The following PDE11A variants were observed in gnomAD, a reference collection of about 807,000 sequenced individuals.
PDE11A encodes phosphodiesterase 11A, also known as dual 3',5'-cyclic-AMP and -GMP phosphodiesterase 11A.
A neutral mutation model predicts 100.5 loss-of-function variants in PDE11A; 100 were observed. That is an observed-to-expected ratio of 1.00 (90% CI 0.85 to 1.18). PDE11A has a LOEUF of 1.18. Among genes scored for constraint, PDE11A ranks in the 50% most tolerant of loss-of-function variants. The probability of loss-of-function intolerance (pLI) is 0.00; values close to 1 mark genes in which losing one functional copy is unlikely to be tolerated. For missense variants in PDE11A, 1,141 were observed against 1,152.6 expected (o/e 0.99, Z 0.15); for synonymous variants, 381 against 420.8 (o/e 0.91, Z 1.16).
At position 178,051,967 on chromosome 2, in the gene PDE11A, T is replaced by C. The variant is rs1442671570; in HGVS notation, c.912+19559A>G. On this transcript the variant is annotated intron_variant, in intron 1 of 19. Coordinates refer to ENST00000286063, the MANE Select transcript of PDE11A (RefSeq NM_016953.4). ...TAGACAGATCAACGAGACAGAAAGT[T>C]AACAAGGATACCCAGGAATTGAACT... 4.6e-5 allele frequency among the ~76,000 whole-genome samples: 7 copies of C among 151,928 alleles called. No homozygotes were observed. In the East Asian group the frequency reaches 5.8e-4, roughly 13 times the overall value.
intron 15 of PDE11A, among the ~76,000 whole-genome samples, chr2:177,684,760 AG>A (rs2080918571): frequency 6.6e-6 from 1 of 152,262 alleles, no homozygotes; most frequent in Non-Finnish European, 1.5e-5. Flanking sequence ...TTAGGTTATC[AG>A]TAAGGATTAG....
intron 5 of PDE11A, among the ~76,000 whole-genome samples, chr2:177,865,209 C>T (rs1001084595): frequency 6.6e-6 from 1 of 152,058 alleles, no homozygotes; most frequent in South Asian, 2.1e-4. Flanking sequence ...ACCCAATAGA[C>T]AGAGGTTGCC....
rs577828732 is a variant in PDE11A at position 177,854,043 on chromosome 2, T to C, written c.1368-13660A>G. 2.6e-5 allele frequency among the ~76,000 whole-genome samples: 4 copies of C among 151,702 alleles called. No individual in the cohort carries two copies. In the East Asian group the frequency reaches 5.8e-4, roughly 22 times the overall value. Reference sequence around the variant, plus strand: ...ATTAAAGCATGTTAAATGAGAGACCTACTAAAGCAAGACAGTCAAACATAA... The same window carrying C: ...ATTAAAGCATGTTAAATGAGAGACCCACTAAAGCAAGACAGTCAAACATAA... On this transcript the variant is annotated intron_variant, in intron 5 of 19. Coordinates refer to ENST00000286063, the MANE Select transcript of PDE11A (RefSeq NM_016953.4).
At chr2:177,870,018 A>G (rs891947246) in intron 5 of PDE11A, among the ~76,000 whole-genome samples, 2 of 152,236 alleles carry the variant, frequency 1.3e-5, no homozygotes, top group East Asian at 3.9e-4. Flanking sequence ...TGCATCATGC[A>G]CGAGTTTAGT....
intron 4 of PDE11A, among the ~76,000 whole-genome samples, chr2:177,885,174 C>A (rs984205078): frequency 1.3e-5 from 2 of 150,578 alleles, no homozygotes. Flanking sequence ...TATGTATGAA[C>A]AAGTAATATG....
At chr2:178,104,807 CT>C (rs2087599705) in intron 1 of PDE11A, among the ~76,000 whole-genome samples, 1 of 152,122 alleles carries the variant, frequency 6.6e-6, no homozygotes, top group South Asian at 2.1e-4. Flanking sequence ...AATTATATTC[CT>C]TTTCATTTCT....
At chr2:177,683,055 C>G (rs1322258103) in intron 15 of PDE11A, among the ~76,000 whole-genome samples, 1 of 152,214 alleles carries the variant, frequency 6.6e-6, no homozygotes, top group Non-Finnish European at 1.5e-5. Context: ...TTGAGAACAA[C>G]TGGCTCCTCT....
intron 1 of PDE11A, among the ~76,000 whole-genome samples, chr2:178,107,399 G>T (rs190329163): frequency 7.3e-4 from 109 of 149,912 alleles, no homozygotes; most frequent in African/African-American, 2.4e-3. Flanking sequence ...ACTGAAATAG[G>T]CAAAGATGTG....
intron 10 of PDE11A, among the ~76,000 whole-genome samples, chr2:177,750,280 A>G (rs151311117): frequency 6.6e-6 from 1 of 152,202 alleles, no homozygotes; most frequent in Non-Finnish European, 1.5e-5. Flanking sequence ...AACAGCAACA[A>G]ATTTTCTTTT....
intron 5 of PDE11A, among the ~76,000 whole-genome samples, chr2:177,863,992 A>C (rs1046665325): frequency 6.6e-6 from 1 of 152,116 alleles, no homozygotes; most frequent in Non-Finnish European, 1.5e-5. Flanking sequence ...CAAGTGGTAC[A>C]TATATATAAT....
intron 1 of PDE11A, among the ~76,000 whole-genome samples, chr2:178,060,393 T>C (rs1434494477): frequency 6.6e-6 from 1 of 152,244 alleles, no homozygotes; most frequent in Non-Finnish European, 1.5e-5. Flanking sequence ...ATTACCTCTA[T>C]CAATGTTTTG....
chr2:178,076,958 T>A (rs2087214952), upstream of PDE11A, among the ~76,000 whole-genome samples: 1 of 147,882 alleles, frequency 6.8e-6, no homozygotes, highest in Admixed American at 6.8e-5. Context: ...ATTTTCCAGT[T>A]CCTCTTTACG....
intron 9 of PDE11A, among the ~76,000 whole-genome samples, chr2:177,805,090 A>T (rs184601755): frequency 0.021 from 2,882 of 134,662 alleles, 86 homozygotes; most frequent in African/African-American, 0.079. Context: ...TTAATTAAAA[A>T]ATATATATAT....
At chr2:178,086,429 T>C (rs1308939361) in intron 2 of PDE11A, among the ~76,000 whole-genome samples, 1 of 152,170 alleles carries the variant, frequency 6.6e-6, no homozygotes, top group African/African-American at 2.4e-5. Flanking sequence ...TAATGCACAA[T>C]AAATAAATAT....
intron 2 of PDE11A, among the ~76,000 whole-genome samples, chr2:178,096,915 C>T (rs747123126): frequency 2.0e-5 from 3 of 151,978 alleles, no homozygotes; most frequent in Non-Finnish European, 4.4e-5. Context: ...AAGACAGAGT[C>T]TTGCTCTGTC....
rs191681055 is a variant in PDE11A, at chr2:177,775,826, T to C, written c.1738-6453A>G. On this transcript the variant is annotated intron_variant, in intron 9 of 19. Coordinates refer to ENST00000286063, the MANE Select transcript of PDE11A (RefSeq NM_016953.4). Reference sequence around the variant, plus strand: ...TAACTCCATTATTCTCTGAGTTAAGTGGCTGTTTCCTTCATGCCACTTGCA... The same window carrying C: ...TAACTCCATTATTCTCTGAGTTAAGCGGCTGTTTCCTTCATGCCACTTGCA... Among the ~76,000 whole-genome samples the C allele has an allele frequency of 2.7e-3, 407 of 152,288 alleles. 6 individuals carry two copies. Among genetic ancestry groups the C allele is most frequent in the African/African-American group, 9.6e-3 (397 of 41,558 alleles).
upstream of PDE11A, among the ~76,000 whole-genome samples, chr2:178,077,101 T>C (rs562045719): frequency 2.6e-5 from 4 of 152,204 alleles, no homozygotes; most frequent in East Asian, 5.8e-4. Flanking sequence ...TAATGCCCCA[T>C]TGGTCAAAGC....
chr2:178,018,127 G>T, intron 1 of PDE11A: 32 of 279,150 alleles, frequency 1.1e-4, no homozygotes, highest in South Asian at 2.9e-4. Context: ...ATGGTGTGGA[G>T]CACAGCATGT....
At chr2:177,998,935 C>T (rs575728636) in intron 2 of PDE11A, among the ~76,000 whole-genome samples, 3 of 152,258 alleles carry the variant, frequency 2.0e-5, no homozygotes, top group East Asian at 1.9e-4. Flanking sequence ...CCACATCATC[C>T]GGATCAAATC....
Sources: allele counts gnomAD v4.1 joint callset (sites outside exome capture counted in the v4.1 genomes callset), GRCh38; gene constraint gnomAD v4.1.1; transcripts MANE v1.5; gene names NCBI Gene and HGNC (gene_info 2026-07-23, HGNC 2026-07-21).